The following IGSF5 variants were observed in gnomAD, a reference collection of about 807,000 sequenced individuals.
IGSF5 encodes the protein immunoglobulin superfamily member 5, also known as immunoglobulin superfamily 5 like.
IGSF5 carries 41 observed loss-of-function variants against 39.4 expected under a neutral mutation model. The ratio of observed to expected loss-of-function variants is 1.04; its 90% CI spans 0.81 to 1.35. The LOEUF is 1.35. IGSF5 is among the 40% of genes most tolerant of loss of function. The pLI, the probability that IGSF5 is intolerant of heterozygous loss-of-function variation, is 0.00. For missense variants in IGSF5, 487 were observed against 494.6 expected (o/e 0.98, Z 0.15); for synonymous variants, 183 against 175.3 (o/e 1.04, Z -0.34).
Position 39,752,487 on chromosome 21 carries a change from G to A in IGSF5, c.100+6189G>A, listed in dbSNP as rs1369469323. On this transcript the variant is annotated intron_variant, in intron 2 of 8. Transcript: ENST00000380588. ...CTGCTATAAACATGCATGTGCAAGC[G>A]TCTTTTTCATGTAACGACTTCTTTT... 3.3e-5 allele frequency among the ~76,000 whole-genome samples: 5 copies of A among 152,158 alleles called. 1 individual carries two copies. Among genetic ancestry groups the A allele is most frequent in the African/African-American group, 4.8e-5 (2 of 41,436 alleles).
rs143606507 is a variant in IGSF5, at chr21:39,749,122, G to A, written c.100+2824G>A. Among the ~76,000 whole-genome samples the A allele has an allele frequency of 3.2e-3, 487 of 152,266 alleles. 5 individuals are homozygous for A. The highest frequency in any genetic ancestry group is 0.011 in the African/African-American group (467 of 41,550). On this transcript the variant is annotated intron_variant, in intron 2 of 8. Coordinates refer to ENST00000380588, the MANE Select transcript of IGSF5 (RefSeq NM_001080444.2). ...ATTAATAGAGTTAAAGAGTTAAAAG[G>A]CTTATATATCTAACGTTGTAGGGGA...
At chr21:39,782,148 T>G (rs553340916) in intron 5 of IGSF5, among the ~76,000 whole-genome samples, 2 of 152,324 alleles carry the variant, frequency 1.3e-5, no homozygotes, top group African/African-American at 4.8e-5. Flanking sequence ...CCATATGCAC[T>G]TAGGTCTCTT....
chr21:39,782,502 CAAT>C (rs968002090), intron 5 of IGSF5, among the ~76,000 whole-genome samples: 2 of 152,168 alleles, frequency 1.3e-5, no homozygotes, highest in Non-Finnish European at 2.9e-5. Flanking sequence ...ACCTATCAAA[CAAT>C]AACTCCCTAT....
At chr21:39,785,328 G>A (rs1436123937) in intron 5 of IGSF5, among the ~76,000 whole-genome samples, 1 of 152,068 alleles carries the variant, frequency 6.6e-6, no homozygotes, top group Non-Finnish European at 1.5e-5. Flanking sequence ...TTTCCCCATT[G>A]CTTGTTTTTG....
At chr21:39,784,749 A>G (rs1021260130) in intron 5 of IGSF5, among the ~76,000 whole-genome samples, 1 of 152,214 alleles carries the variant, frequency 6.6e-6, no homozygotes, top group African/African-American at 2.4e-5. Flanking sequence ...AGTGTGAAAG[A>G]TGAGTAAAGG....
Position 39,750,510 on chromosome 21 carries a change from GA to G in IGSF5, c.100+4228del, listed in dbSNP as rs33972671. Among the ~76,000 whole-genome samples the G allele has an allele frequency of 4.5e-3, 628 of 138,676 alleles. 6 individuals are homozygous for G. Among genetic ancestry groups the G allele is most frequent in the African/African-American group, 0.014 (530 of 37,690 alleles). 91.0% of individuals were successfully genotyped at this position (138,676 alleles called of 152,430 possible). A position where few individuals can be genotyped will look rare whatever the true frequency, so the allele number is the denominator to read the frequency against. ...GTAACAGAGCAAGACACTGTCTCCA[GA>G]AAAAAAAAAAAAAAAGCAGTTCAGT... is the stretch of plus-strand genomic sequence containing the variant. On this transcript the variant is annotated intron_variant, in intron 2 of 8. Transcript: ENST00000380588.
the IGSF5 span, among the ~76,000 whole-genome samples, chr21:39,739,238 C>T: frequency 1.3e-5 from 2 of 149,632 alleles, no homozygotes; most frequent in Non-Finnish European, 1.5e-5. Context: ...CCCTCTTTTT[C>T]TTTTTTTCTT....
At chr21:39,749,601 A>G (rs1443755066) in intron 2 of IGSF5, among the ~76,000 whole-genome samples, 1 of 152,214 alleles carries the variant, frequency 6.6e-6, no homozygotes, top group Non-Finnish European at 1.5e-5. Flanking sequence ...CATGTGCCCA[A>G]AGTGGTCAGG....
intron 2 of IGSF5, among the ~76,000 whole-genome samples, chr21:39,764,653 G>A (rs905728909): frequency 1.7e-4 from 26 of 152,152 alleles, no homozygotes; most frequent in Non-Finnish European, 3.2e-4. Context: ...CTTGCCATTT[G>A]ACTTTACAAG....
chr21:39,782,068 G>C (rs4818093), intron 5 of IGSF5, among the ~76,000 whole-genome samples: 13,326 of 152,082 alleles, frequency 0.088, 636 homozygotes, highest in South Asian at 0.16. Flanking sequence ...CAGTTGTCCC[G>C]GCAGCATTGA....
chr21:39,754,217 T>C (rs538752931), intron 2 of IGSF5, among the ~76,000 whole-genome samples: 56 of 152,338 alleles, frequency 3.7e-4, no homozygotes, highest in South Asian at 1.0e-3. Context: ...ATTTTTTGTC[T>C]GAAAAAGACT....
the IGSF5 span, among the ~76,000 whole-genome samples, chr21:39,732,877 T>A: frequency 6.6e-6 from 1 of 151,676 alleles, no homozygotes; most frequent in African/African-American, 2.4e-5. Flanking sequence ...AATACAAAAA[T>A]TAGCTGGGTG....
the IGSF5 span, among the ~76,000 whole-genome samples, chr21:39,712,013 G>A: frequency 1.3e-5 from 2 of 152,154 alleles, no homozygotes; most frequent in African/African-American, 2.4e-5. Flanking sequence ...GAGCTGCAAC[G>A]ATGGGAAGCA....
intron 2 of IGSF5, among the ~76,000 whole-genome samples, chr21:39,764,742 G>A (rs1176299257): frequency 1.3e-5 from 2 of 152,190 alleles, no homozygotes; most frequent in Admixed American, 1.3e-4. Flanking sequence ...CACCCACAGG[G>A]ATCCCACAAC....
chr21:39,740,740 C>A (rs1320969372), upstream of IGSF5, among the ~76,000 whole-genome samples: 1 of 152,194 alleles, frequency 6.6e-6, no homozygotes, highest in African/African-American at 2.4e-5. Context: ...TATGTTCTAT[C>A]TTTTCTTCAT....
At chr21:39,757,130 A>G (rs899942801) in intron 2 of IGSF5, among the ~76,000 whole-genome samples, 2 of 151,436 alleles carry the variant, frequency 1.3e-5, no homozygotes, top group African/African-American at 2.4e-5. Context: ...GTCTCACCTC[A>G]TTCGCTGTGC....
At chr21:39,767,778 G>T (rs895014514) in intron 3 of IGSF5, among the ~76,000 whole-genome samples, 2 of 152,196 alleles carry the variant, frequency 1.3e-5, no homozygotes, top group Non-Finnish European at 1.5e-5. Context: ...AGATGGAAGG[G>T]AGGCAAGCTC....
At chr21:39,754,199 C>A (rs528229103) in intron 2 of IGSF5, among the ~76,000 whole-genome samples, 2 of 152,270 alleles carry the variant, frequency 1.3e-5, no homozygotes, top group East Asian at 3.9e-4. Flanking sequence ...GTGGCAAATG[C>A]CTTTAGCATT....
chr21:39,712,817 C>T, the IGSF5 span, among the ~76,000 whole-genome samples: 1,518 of 152,242 alleles, frequency 1.0e-2, 22 homozygotes, highest in African/African-American at 0.034. Context: ...GTTTAATGCT[C>T]ATCCTGACAG....
Sources: allele counts gnomAD v4.1 joint callset (sites outside exome capture counted in the v4.1 genomes callset), GRCh38; gene constraint gnomAD v4.1.1; transcripts MANE v1.5; gene names NCBI Gene and HGNC (gene_info 2026-07-23, HGNC 2026-07-21).